CRPPA: variants seen among roughly 807,000 people sequenced by gnomAD.
CRPPA encodes the protein D-ribitol-5-phosphate cytidylyltransferase.
Under a neutral mutation model 52.0 loss-of-function variants are expected in CRPPA, and 43 were observed. The ratio of observed to expected loss-of-function variants is 0.83; its 90% CI spans 0.65 to 1.07. The LOEUF (loss-of-function observed/expected upper bound fraction) is 1.07. CRPPA is among the 50% of genes least tolerant of loss of function. The pLI is 0.00. For synonymous variants in CRPPA, 250 were observed against 203.5 expected (o/e 1.23, Z -1.94); for missense variants, 629 against 551.7 (o/e 1.14, Z -1.40).
chr7:16,166,165 T>G (rs1781060455), intron 9 of CRPPA, among the ~76,000 whole-genome samples: 1 of 152,222 alleles, frequency 6.6e-6, no homozygotes, highest in Non-Finnish European at 1.5e-5. Context: ...CTGTTTTCAT[T>G]TGTACAGTCT....
At chr7:16,096,950 A>G (rs1180315751) in intron 9 of CRPPA, among the ~76,000 whole-genome samples, 1 of 152,190 alleles carries the variant, frequency 6.6e-6, no homozygotes, top group African/African-American at 2.4e-5. Context: ...CAAAACCCCC[A>G]CAATGAACAC....
At chr7:16,293,249 C>T (rs1417861546) in intron 5 of CRPPA, among the ~76,000 whole-genome samples, 1 of 151,950 alleles carries the variant, frequency 6.6e-6, no homozygotes, top group Non-Finnish European at 1.5e-5. Context: ...TCATGGTCCA[C>T]TGTACTGACC....
At chr7:16,327,376 A>C (rs1785426010) in intron 3 of CRPPA, among the ~76,000 whole-genome samples, 1 of 151,542 alleles carries the variant, frequency 6.6e-6, no homozygotes, top group Non-Finnish European at 1.5e-5. Context: ...GTGGATCATG[A>C]GGTCAGGAGA....
intron 8 of CRPPA, among the ~76,000 whole-genome samples, chr7:16,249,322 C>A (rs555146403): frequency 6.6e-6 from 1 of 152,296 alleles, no homozygotes; most frequent in African/African-American, 2.4e-5. Flanking sequence ...TTAAACGTCC[C>A]CGCCTGATGG....
intron 3 of CRPPA, among the ~76,000 whole-genome samples, chr7:16,327,540 C>A (rs1785439778): frequency 7.2e-6 from 1 of 139,140 alleles, no homozygotes; most frequent in South Asian, 2.2e-4. Flanking sequence ...TCGCAGTGAG[C>A]CGAGATTGCG....
At chr7:16,143,791 C>A (rs932037474) in intron 9 of CRPPA, among the ~76,000 whole-genome samples, 3 of 152,012 alleles carry the variant, frequency 2.0e-5, no homozygotes, top group Non-Finnish European at 2.9e-5. Flanking sequence ...TAGAGGGGTA[C>A]CATCTGGAAA....
intron 8 of CRPPA, 159 bp from the exon 9 acceptor site, chr7:16,216,356 A>T: frequency 6.0e-6 from 3 of 503,408 alleles, no homozygotes; most frequent in Non-Finnish European, 1.0e-5. Flanking sequence ...CATACTTAAG[A>T]TCGATGAATC....
At position 16,133,944 on chromosome 7, in the gene CRPPA, T is replaced by C. The variant is rs1034868530; in HGVS notation, c.1252-42145A>G. ...ACATCATCCTTATGATTTTCTTTTT[T>C]TTTCCGAGATGGAGTCTCGCTCTGT... is the stretch of plus-strand genomic sequence containing the variant. On this transcript the variant is annotated intron_variant, in intron 9 of 9. Coordinates refer to ENST00000407010, the MANE Select transcript of CRPPA (RefSeq NM_001101426.4). Among the ~76,000 whole-genome samples, 2 of 124,396 alleles carry C rather than the reference T, an allele frequency of 1.6e-5. 1 individual carries two copies. Among genetic ancestry groups the C allele is most frequent in the East Asian group, 6.9e-4 (2 of 2,880 alleles). 81.6% of individuals were successfully genotyped at this position (124,396 alleles called of 152,430 possible).
intron 9 of CRPPA, among the ~76,000 whole-genome samples, chr7:16,108,604 T>C (rs946250136): frequency 2.0e-5 from 3 of 151,898 alleles, no homozygotes; most frequent in Non-Finnish European, 2.9e-5. Flanking sequence ...TTAGACCATA[T>C]GGACCTCACA....
At chr7:16,108,940 G>C (rs182022424) in intron 9 of CRPPA, among the ~76,000 whole-genome samples, 1 of 151,684 alleles carries the variant, frequency 6.6e-6, no homozygotes. Flanking sequence ...CAGGCCTTAG[G>C]AGAAAGTTTG....
chr7:16,250,771 A>T (rs1335754972), intron 8 of CRPPA, among the ~76,000 whole-genome samples: 1 of 152,224 alleles, frequency 6.6e-6, no homozygotes, highest in East Asian at 1.9e-4. Flanking sequence ...TTGCAAAAAC[A>T]TGCCAAATTG....
At chr7:16,316,434 A>G (rs1035654393) in intron 3 of CRPPA, among the ~76,000 whole-genome samples, 3 of 152,136 alleles carry the variant, frequency 2.0e-5, no homozygotes, top group Non-Finnish European at 4.4e-5. Flanking sequence ...TATGTAGTAA[A>G]ACATGTTATA....
At chr7:16,152,759 C>A (rs536768414) in intron 9 of CRPPA, among the ~76,000 whole-genome samples, 3 of 151,868 alleles carry the variant, frequency 2.0e-5, no homozygotes, top group Non-Finnish European at 2.9e-5. Context: ...AGCCTTTAGG[C>A]GGTTCGCAAT....
intron 7 of CRPPA, 69 bp from the exon 8 acceptor site, chr7:16,258,551 A>C (rs1783708751): frequency 1.2e-6 from 1 of 843,306 alleles, no homozygotes; most frequent in Non-Finnish European, 1.9e-6. Flanking sequence ...ATTTCAAGGA[A>C]TAAATGGAGA....
chr7:16,308,030 ATCGT>A (rs895582377), intron 4 of CRPPA, among the ~76,000 whole-genome samples: 1 of 151,632 alleles, frequency 6.6e-6, no homozygotes, highest in Non-Finnish European at 1.5e-5. Context: ...AGGTGACTGG[ATCGT>A]GGGGGCAGAT....
chr7:16,273,840 C>G (rs752539209), intron 6 of CRPPA, among the ~76,000 whole-genome samples: 1 of 152,160 alleles, frequency 6.6e-6, no homozygotes, highest in Admixed American at 6.5e-5. Flanking sequence ...GCATGAAGTT[C>G]TATTCCTGCC....
chr7:16,281,732 G>C (rs1784324891), intron 5 of CRPPA, among the ~76,000 whole-genome samples: 1 of 152,020 alleles, frequency 6.6e-6, no homozygotes, highest in Non-Finnish European at 1.5e-5. Flanking sequence ...CTTCTTTGTG[G>C]GAGAGCTTTT....
intron 8 of CRPPA, among the ~76,000 whole-genome samples, chr7:16,220,378 T>C (rs1242600812): frequency 3.2e-5 from 3 of 94,340 alleles, no homozygotes; most frequent in African/African-American, 8.7e-5. Context: ...CTTTGAAAAC[T>C]GGCACAAGAC....
At chr7:16,093,100 A>G (rs146044418) in intron 9 of CRPPA, among the ~76,000 whole-genome samples, 117 of 152,252 alleles carry the variant, frequency 7.7e-4, no homozygotes, top group African/African-American at 2.7e-3. Flanking sequence ...CCTCTAGCAC[A>G]CCGAATTTTA....
Sources: allele counts gnomAD v4.1 joint callset (sites outside exome capture counted in the v4.1 genomes callset), GRCh38; gene constraint gnomAD v4.1.1; transcripts MANE v1.5; gene names NCBI Gene and HGNC (gene_info 2026-07-23, HGNC 2026-07-21).